Variants in MAML1 observed in about 807,000 individuals in gnomAD.
The protein encoded by MAML1 is mastermind-like protein 1.
Under a neutral mutation model 77.1 loss-of-function variants are expected in MAML1, and 14 were observed. The ratio of observed to expected loss-of-function variants is 0.18; its 90% CI spans 0.12 to 0.28. The LOEUF is 0.28. Ranked by LOEUF, MAML1 falls within the 10% of genes least tolerant of loss-of-function variation. MAML1 has a pLI of 1.00. For missense variants in MAML1, 1,217 were observed against 1,327.8 expected, an observed-to-expected ratio of 0.92 and a Z score of 1.30; for synonymous variants, 516 against 551.9, an observed-to-expected ratio of 0.93 and a Z score of 0.91.
intron 1 of MAML1, among the ~76,000 whole-genome samples, chr5:179,751,336 C>T (rs1779486717): frequency 6.6e-6 from 1 of 152,138 alleles, no homozygotes; most frequent in African/African-American, 2.4e-5. Context: ...TTCTTAAGCA[C>T]GTGGAATGCA....
chr5:179,738,173 G>C (rs1489598629), intron 1 of MAML1, among the ~76,000 whole-genome samples: 1 of 152,016 alleles, frequency 6.6e-6, no homozygotes, highest in Non-Finnish European at 1.5e-5. Context: ...TGCCCCATTT[G>C]TTATCATTTG....
At chr5:179,750,666 C>A (rs1176954774) in intron 1 of MAML1, among the ~76,000 whole-genome samples, 1 of 152,060 alleles carries the variant, frequency 6.6e-6, no homozygotes, top group Non-Finnish European at 1.5e-5. Flanking sequence ...TTGCCGTGTT[C>A]CCCAGGCTGG....
At position 179,771,085 on chromosome 5, in the gene MAML1, C is replaced by A; in HGVS notation, c.1972-62C>A. 7.7e-7 allele frequency: 1 copy of A among 1,297,938 alleles called. No homozygotes were observed. The highest frequency in any genetic ancestry group is 1.1e-6 in the Non-Finnish European group (1 of 892,248). The allele number at this position is 1,297,938 out of a possible 1,614,324, so 80.4% of individuals were successfully genotyped here. ...AGTTACTTTTCTCTGACCTCCCTCA[C>A]TCCCTTTGTTTTGGATTTTGTTATA... On this transcript the variant is annotated intron_variant, in intron 3 of 4. Coordinates refer to ENST00000292599, the MANE Select transcript of MAML1 (RefSeq NM_014757.5). The surrounding 1 kb of genome is among the most constrained non-coding windows in gnomAD (Gnocchi z 4.7).
chr5:179,739,677 C>G (rs1041908759), intron 1 of MAML1, among the ~76,000 whole-genome samples: 1 of 152,096 alleles, frequency 6.6e-6, no homozygotes, highest in Non-Finnish European at 1.5e-5. Context: ...CATCCAAACC[C>G]TGCATCAAAA....
intron 1 of MAML1, among the ~76,000 whole-genome samples, chr5:179,750,001 G>A (rs1366533359): frequency 2.0e-5 from 3 of 152,308 alleles, no homozygotes; most frequent in Non-Finnish European, 2.9e-5. Flanking sequence ...GTCAGCTCCC[G>A]GAGAAGCAGA....
intron 1 of MAML1, among the ~76,000 whole-genome samples, chr5:179,757,838 CTT>C (rs1283567698): frequency 5.3e-5 from 8 of 152,298 alleles, no homozygotes; most frequent in Admixed American, 3.3e-4. Flanking sequence ...TGAATTCTAA[CTT>C]TGCTTATCCT....
intron 1 of MAML1, among the ~76,000 whole-genome samples, chr5:179,749,520 C>T (rs1272216559): frequency 1.3e-5 from 2 of 152,102 alleles, no homozygotes; most frequent in African/African-American, 2.4e-5. Flanking sequence ...CTCGGCTTCC[C>T]AAAGTGGTGG....
chr5:179,753,935 G>A (rs1210351650), intron 1 of MAML1, among the ~76,000 whole-genome samples: 1 of 151,278 alleles, frequency 6.6e-6, no homozygotes, highest in African/African-American at 2.4e-5. Context: ...GCCTCCCAAA[G>A]TGCTGGGATT....
chr5:179,746,481 C>T (rs910651038), intron 1 of MAML1, among the ~76,000 whole-genome samples: 1 of 151,966 alleles, frequency 6.6e-6, no homozygotes, highest in African/African-American at 2.4e-5. Context: ...TCAAGTGATT[C>T]TCCCACCTCA....
At chr5:179,752,540 T>A (rs888891753) in intron 1 of MAML1, among the ~76,000 whole-genome samples, 7 of 148,126 alleles carry the variant, frequency 4.7e-5, no homozygotes, top group Middle Eastern at 3.6e-3. Flanking sequence ...TTTCTATTAG[T>A]GCTGTTGAGT....
chr5:179,762,762 C>G (rs1280622987), intron 1 of MAML1, among the ~76,000 whole-genome samples: 1 of 152,150 alleles, frequency 6.6e-6, no homozygotes, highest in Non-Finnish European at 1.5e-5. Context: ...TCATCCTTGC[C>G]CTGCATATCA....
chr5:179,766,398 A>T lies in MAML1; in HGVS notation c.1388A>T (p.Lys463Ile). The change falls in exon 2 of 5, where the codon AAA (lysine) becomes ATA (isoleucine). Residue 463 changes from lysine to isoleucine, a missense_variant. By Grantham distance (102) the Lys-to-Ile change is moderately radical. This residue lies in a region of MAML1 where 884 missense variants were observed against 949.3 expected (regional missense o/e 0.93). Transcript: ENST00000292599. The surrounding 1 kb of genome is among the most constrained non-coding windows in gnomAD (Gnocchi z 4.0). Reference sequence around the variant, plus strand: ...TACAAGCAAGACTTCACTAACTCCAAACTGCTCATGATGCCTAGTGTGAAT... The same window carrying T: ...TACAAGCAAGACTTCACTAACTCCATACTGCTCATGATGCCTAGTGTGAAT... ...SSYKQDFTNS[K>I]LLMMPSVNKS... is the part of the protein sequence containing the mutation. 6.2e-7 allele frequency: 1 copy of T among 1,611,940 alleles called. No individual in the cohort carries two copies. The highest frequency in any genetic ancestry group is 1.7e-5 in the Admixed American group (1 of 59,700).
rs765752905 is a variant in MAML1, at chr5:179,774,205, C to T, written c.2379C>T (p.Val793=). ...CCAACGTGGGCCAGAACACCTCCGT[C>T]TCAGCTGCCTATGGGCAGAACTCTC... The part of the protein sequence containing the change: ...RQTNVGQNTS[V]SAAYGQNSLG... The change falls in exon 5 of 5, where the codon GTC becomes GTT. Residue 793 remains valine (V), a synonymous_variant. Coordinates refer to ENST00000292599, the MANE Select transcript of MAML1 (RefSeq NM_014757.5). 2 of 1,613,410 alleles carry T rather than the reference C, an allele frequency of 1.2e-6. No homozygotes were observed. The highest frequency in any genetic ancestry group is 1.7e-6 in the Non-Finnish European group (2 of 1,179,932).
chr5:179,751,163 G>C (rs1335559003), intron 1 of MAML1, among the ~76,000 whole-genome samples: 1 of 151,994 alleles, frequency 6.6e-6, no homozygotes. Context: ...AGTAGAGACA[G>C]GGTTTCACCA....
intron 1 of MAML1, among the ~76,000 whole-genome samples, chr5:179,751,918 C>T (rs1779495847): frequency 6.6e-6 from 1 of 152,104 alleles, no homozygotes; most frequent in African/African-American, 2.4e-5. Context: ...GTGAGAGGAT[C>T]ATCTGAGCCT....
intron 1 of MAML1, among the ~76,000 whole-genome samples, chr5:179,743,943 T>C (rs908184554): frequency 3.9e-5 from 6 of 152,180 alleles, no homozygotes; most frequent in African/African-American, 1.4e-4. Context: ...AAAAATAAAA[T>C]GGTTACATCA....
intron 1 of MAML1, among the ~76,000 whole-genome samples, chr5:179,755,197 A>G (rs1779586161): frequency 6.6e-6 from 1 of 152,206 alleles, no homozygotes; most frequent in African/African-American, 2.4e-5. Context: ...ACCGAACAGC[A>G]CTTAGCCTGT....
At chr5:179,748,576 C>T (rs950780772) in intron 1 of MAML1, among the ~76,000 whole-genome samples, 1 of 152,084 alleles carries the variant, frequency 6.6e-6, no homozygotes, top group African/African-American at 2.4e-5. Flanking sequence ...GTCCGACATC[C>T]GAATAATAGG....
rs368082243 is a variant in MAML1 at position 179,748,968 on chromosome 5, TTTTG to T, written c.315+15554_315+15557del. ...TGTTTTTGTTTTTTTTTTTTTTGTT[TTTTG>T]TTTGTTTGTTTGAGATGGAGTCTCA... On this transcript the variant is annotated intron_variant, in intron 1 of 4. Transcript: ENST00000292599. 2.8e-4 allele frequency among the ~76,000 whole-genome samples: 42 copies of T among 152,140 alleles called. 1 individual carries two copies. Among genetic ancestry groups the T allele is most frequent in the African/African-American group, 9.4e-4 (39 of 41,498 alleles).
Sources: allele counts gnomAD v4.1 joint callset (sites outside exome capture counted in the v4.1 genomes callset), GRCh38; gene constraint gnomAD v4.1.1; regional missense constraint gnomAD v4.1.1; non-coding constraint Gnocchi (gnomAD v3.1); transcripts MANE v1.5; gene names NCBI Gene and HGNC (gene_info 2026-07-23, HGNC 2026-07-21).